Variants in PCDHA10 observed in about 807,000 individuals in gnomAD.
The protein encoded by PCDHA10 is protocadherin alpha-10.
PCDHA10 carries 45 observed loss-of-function variants against 61.2 expected under a neutral mutation model. That is an observed-to-expected ratio of 0.74 (90% CI 0.58 to 0.94). The LOEUF is 0.94. PCDHA10 is among the 40% of genes least tolerant of loss of function. The probability of loss-of-function intolerance (pLI) is 0.00; values close to 1 mark genes in which losing one functional copy is unlikely to be tolerated. For missense variants in PCDHA10, 1,278 were observed against 1,236.2 expected, an observed-to-expected ratio of 1.03 and a Z score of -0.51; for synonymous variants, 602 against 548.8, an observed-to-expected ratio of 1.10 and a Z score of -1.35.
chr5:140,863,488 A>G (rs1554158271), intron 1 of PCDHA10: 1 of 451,898 alleles, frequency 2.2e-6, no homozygotes, highest in Admixed American at 2.5e-5. Context: ...CCCAAGGTCA[A>G]CATTACGGCT....
intron 1 of PCDHA10, among the ~76,000 whole-genome samples, chr5:140,950,428 T>G (rs408652): frequency 0.56 from 85,077 of 151,214 alleles, 24,477 homozygotes; most frequent in African/African-American, 0.69. Context: ...TTTCTTCCAC[T>G]TAAAAAAAAT....
intron 1 of PCDHA10, chr5:140,929,214 G>A: frequency 1.2e-6 from 2 of 1,614,076 alleles, no homozygotes; most frequent in Non-Finnish European, 1.7e-6. Context: ...TGCGTGGGGA[G>A]TACAATGCTG....
intron 3 of PCDHA10, among the ~76,000 whole-genome samples, chr5:141,000,522 G>A (rs1294045842): frequency 4.2e-5 from 6 of 143,688 alleles, no homozygotes; most frequent in African/African-American, 1.6e-4. Context: ...CCTTCTCCAG[G>A]GTTCAAGTGA....
intron 1 of PCDHA10, among the ~76,000 whole-genome samples, chr5:140,920,911 G>C (rs1290667252): frequency 6.6e-6 from 1 of 150,718 alleles, no homozygotes; most frequent in African/African-American, 2.4e-5. Context: ...TCTCAAATCA[G>C]TTCCAAGAGT....
intron 3 of PCDHA10, among the ~76,000 whole-genome samples, chr5:141,004,084 T>C (rs2098151963): frequency 6.6e-6 from 1 of 152,234 alleles, no homozygotes; most frequent in Non-Finnish European, 1.5e-5. Context: ...GGTAGAAATG[T>C]GCTTCTTCCG....
chr5:140,969,007 A>T, intron 1 of PCDHA10: 2 of 1,614,148 alleles, frequency 1.2e-6, no homozygotes, highest in Non-Finnish European at 1.7e-6. Context: ...GCTTCTGTGG[A>T]GTAAGGGAAA....
intron 1 of PCDHA10, among the ~76,000 whole-genome samples, chr5:140,920,731 C>G (rs2079790420): frequency 6.6e-6 from 1 of 151,924 alleles, no homozygotes; most frequent in African/African-American, 2.4e-5. Flanking sequence ...GCAGTCCCAG[C>G]TACTCAGGAG....
intron 1 of PCDHA10, among the ~76,000 whole-genome samples, chr5:140,972,660 A>ATTT (rs11350929): frequency 1.0e-4 from 12 of 117,258 alleles, no homozygotes; most frequent in Non-Finnish European, 1.7e-4. Flanking sequence ...AAGAAACCAA[A>ATTT]TTTTTTTTTT....
chr5:140,972,623 T>C (rs1554234256), intron 1 of PCDHA10, among the ~76,000 whole-genome samples: 1 of 151,938 alleles, frequency 6.6e-6, no homozygotes, highest in African/African-American at 2.4e-5. Context: ...TGAATGTTGT[T>C]GGCACTCCCT....
At chr5:140,869,286 G>A in intron 1 of PCDHA10, 2 of 1,613,616 alleles carry the variant, frequency 1.2e-6, no homozygotes, top group Non-Finnish European at 1.7e-6. Context: ...AGCTGGTGCA[G>A]CGCCTGTTCC....
At position 140,856,080 on chromosome 5, in the gene PCDHA10, A is replaced by G; in HGVS notation, c.32A>G (p.Gln11Arg). ...TCCAGATGTAGCTGCCTGGGGGTCC[A>G]GTGTCTGCTGCTCTCGCTTCTTCTC... is the stretch of plus-strand genomic sequence containing the variant. MVSRCSCLGVQCLLLSLLLLA... is the reference protein window; with the variant it reads MVSRCSCLGVRCLLLSLLLLA... The change falls in exon 1 of 4, where the codon CAG becomes CGG. Residue 11 changes from glutamine to arginine, a missense_variant. Gln to Arg is a conservative substitution (Grantham distance 43). Coordinates refer to ENST00000307360, the MANE Select transcript of PCDHA10 (RefSeq NM_018901.4). 6.3e-7 allele frequency: 1 copy of G among 1,594,626 alleles called. No homozygotes were observed. Among genetic ancestry groups the G allele is most frequent in the African/African-American group, 1.3e-5 (1 of 74,422 alleles).
At chr5:140,893,327 GT>G (rs2063928643) in intron 1 of PCDHA10, among the ~76,000 whole-genome samples, 1 of 152,164 alleles carries the variant, frequency 6.6e-6, no homozygotes, top group Non-Finnish European at 1.5e-5. Flanking sequence ...CTCCCATACT[GT>G]TTTCCTTAGT....
intron 1 of PCDHA10, chr5:140,866,765 C>G (rs1053050045): frequency 6.6e-6 from 1 of 152,122 alleles, no homozygotes; most frequent in Non-Finnish European, 1.5e-5. Context: ...GACATACAGG[C>G]AGATTGTATG....
intron 1 of PCDHA10, chr5:140,876,299 A>G: frequency 1.2e-6 from 2 of 1,614,062 alleles, no homozygotes; most frequent in South Asian, 2.2e-5. Context: ...CTTAATGGAG[A>G]AATTTCCTAT....
intron 1 of PCDHA10, among the ~76,000 whole-genome samples, chr5:140,922,895 A>G (rs2153566398): frequency 6.6e-6 from 1 of 152,340 alleles, no homozygotes; most frequent in East Asian, 1.9e-4. Context: ...ATTCAAGAAA[A>G]AATTTTGAGA....
chr5:140,855,987 T>A lies in PCDHA10; in HGVS notation c.-62T>A. ...GATATAAGAAATAGGACAGAAAATG[T>A]CAGATCGTATGTGCGTTCTAGACCG... On this transcript the variant is annotated 5_prime_UTR_variant, in exon 1 of 4. Coordinates refer to ENST00000307360, the MANE Select transcript of PCDHA10 (RefSeq NM_018901.4). The A allele has an allele frequency of 1.4e-6, 2 of 1,480,818 alleles. No individual in the cohort carries two copies. Among genetic ancestry groups the A allele is most frequent in the Non-Finnish European group, 1.8e-6 (2 of 1,098,316 alleles). 91.7% of individuals were successfully genotyped at this position (1,480,818 alleles called of 1,614,324 possible).
intron 1 of PCDHA10, among the ~76,000 whole-genome samples, chr5:140,950,301 T>G (rs1467140584): frequency 6.6e-6 from 1 of 152,076 alleles, no homozygotes; most frequent in Non-Finnish European, 1.5e-5. Context: ...AAACTTTACT[T>G]AGCAGTTTTT....
intron 1 of PCDHA10, among the ~76,000 whole-genome samples, chr5:140,898,428 A>G (rs1554187988): frequency 2.6e-5 from 4 of 152,132 alleles, no homozygotes; most frequent in Non-Finnish European, 5.9e-5. Flanking sequence ...TTTTCCCAGC[A>G]CCATTTATTA....
chr5:140,981,582 A>C (rs2096939117), intron 2 of PCDHA10, among the ~76,000 whole-genome samples: 1 of 152,182 alleles, frequency 6.6e-6, no homozygotes, highest in African/African-American at 2.4e-5. Flanking sequence ...TCAAAAATAA[A>C]TAAAATAAAA....
Sources: allele counts gnomAD v4.1 joint callset (sites outside exome capture counted in the v4.1 genomes callset), GRCh38; gene constraint gnomAD v4.1.1; transcripts MANE v1.5; gene names NCBI Gene and HGNC (gene_info 2026-07-23, HGNC 2026-07-21).